Variants in PRSS55 observed in about 807,000 individuals in gnomAD.
The protein encoded by PRSS55 is serine protease 55.
PRSS55 carries 41 observed loss-of-function variants against 23.6 expected under a neutral mutation model. The observed-to-expected ratio is 1.74, with a 90% CI of 1.35 to 2.26. The LOEUF is 2.26. Ranked by LOEUF, PRSS55 falls within the 30% of genes most tolerant of loss-of-function variation. The pLI is 0.00. For missense variants in PRSS55, 669 were observed against 439.1 expected (o/e 1.52, Z -4.68); for synonymous variants, 262 against 175.5 (o/e 1.49, Z -3.90).
chr8:10,548,002 A>G (rs1812860718), intron 4 of PRSS55, among the ~76,000 whole-genome samples: 1 of 152,062 alleles, frequency 6.6e-6, no homozygotes, highest in Non-Finnish European at 1.5e-5. Context: ...TTCCTACCCC[A>G]GGTCACAGGG....
chr8:10,531,687 C>T, intron 3 of PRSS55, 142 bp downstream of exon 3: 1 of 1,269,128 alleles, frequency 7.9e-7, no homozygotes, highest in Non-Finnish European at 1.1e-6. Context: ...CAAAGTTTAG[C>T]TCCTTTTGGG....
At chr8:10,526,883 G>A (rs1425087453) in intron 1 of PRSS55, among the ~76,000 whole-genome samples, 1 of 152,190 alleles carries the variant, frequency 6.6e-6, no homozygotes, top group African/African-American at 2.4e-5. Context: ...CCAACGATAA[G>A]TAGCTTTCCC....
rs1442426895 is a variant in PRSS55, at chr8:10,533,007, C to G, written c.700C>G (p.Leu234Val). 2 of 1,614,166 alleles carry G rather than the reference C, an allele frequency of 1.2e-6. No homozygotes were observed. The highest frequency in any genetic ancestry group is 1.7e-6 in the Non-Finnish European group (2 of 1,180,036). ...GTTTCCAAAACTTACCAAAAATATG[C>G]TGTGTGCCGGATACAAGAATGAGAG... Reference protein sequence around the residue: ...KMFPKLTKNMLCAGYKNESYD... With the variant: ...KMFPKLTKNMVCAGYKNESYD... Residue 234 changes from leucine (L) to valine (V), a missense_variant, in exon 4 of 5, where the codon CTG becomes GTG. Coordinates refer to ENST00000328655, the MANE Select transcript of PRSS55 (RefSeq NM_198464.4).
intron 4 of PRSS55, 150 bp downstream of exon 4, chr8:10,533,198 G>A: frequency 1.2e-6 from 1 of 845,860 alleles, no homozygotes; most frequent in East Asian, 2.7e-5. Context: ...ATGAGTATGT[G>A]GATTTCAGAT....
chr8:10,527,187 AT>A (rs1386132547), intron 1 of PRSS55, among the ~76,000 whole-genome samples: 2 of 152,254 alleles, frequency 1.3e-5, no homozygotes, highest in Non-Finnish European at 2.9e-5. Context: ...GTTGTTAAAA[AT>A]GCCCCATGAG....
chr8:10,538,587 T>C lies in PRSS55; in HGVS notation c.853T>C (p.Tyr285His), dbSNP rs1812540337. 1.2e-6 allele frequency: 2 copies of C among 1,614,084 alleles called. No homozygotes were observed. The highest frequency in any genetic ancestry group is 2.2e-5 in the South Asian group (2 of 91,076). Residue 285 changes from tyrosine to histidine, a missense_variant, in exon 5 of 5, where the codon TAC becomes CAC. Transcript: ENST00000328655. ...SCGEKNTPGI[Y>H]TSLVNYNLWI... ...TGGAGAGAAGAACACCCCAGGGATA[T>C]ACACCTCGTTGGTGAACTACAACCT... is the stretch of plus-strand genomic sequence containing the variant.
intron 4 of PRSS55, among the ~76,000 whole-genome samples, chr8:10,545,406 G>A (rs1225386701): frequency 6.6e-6 from 1 of 152,076 alleles, no homozygotes; most frequent in African/African-American, 2.4e-5. Flanking sequence ...TGTTGCCCAG[G>A]CTGCAAACTT....
At chr8:10,525,799 A>C (rs1585861360) in intron 1 of PRSS55, 60 bp downstream of exon 1, 4 of 1,509,930 alleles carry the variant, frequency 2.6e-6, no homozygotes, top group Non-Finnish European at 3.6e-6. Context: ...ACTGGCTGCC[A>C]GGAGGGTGGA....
downstream of PRSS55, among the ~76,000 whole-genome samples, chr8:10,539,479 C>T (rs1420830201): frequency 6.6e-6 from 1 of 152,212 alleles, no homozygotes; most frequent in East Asian, 1.9e-4. Flanking sequence ...TACTGTAACC[C>T]TTCTATGGAG....
At chr8:10,553,994 A>C in exon 5 of PRSS55, 1 of 1,532,600 alleles carries the variant, frequency 6.5e-7, no homozygotes, top group East Asian at 2.4e-5. Context: ...CTCTCAAACA[A>C]AGCCGCCTGG....
intron 4 of PRSS55, among the ~76,000 whole-genome samples, chr8:10,549,501 C>G (rs899351362): frequency 6.6e-6 from 1 of 152,182 alleles, no homozygotes; most frequent in African/African-American, 2.4e-5. Flanking sequence ...AGCCTGTGTC[C>G]AGCACACTGG....
At chr8:10,530,419 G>A (rs567943125) in intron 2 of PRSS55, among the ~76,000 whole-genome samples, 1 of 152,366 alleles carries the variant, frequency 6.6e-6, no homozygotes, top group African/African-American at 2.4e-5. Flanking sequence ...ATGTTGCAGT[G>A]AGCCAAGATC....
At chr8:10,532,044 C>T (rs1165269891) in intron 3 of PRSS55, among the ~76,000 whole-genome samples, 3 of 152,000 alleles carry the variant, frequency 2.0e-5, no homozygotes, top group Non-Finnish European at 2.9e-5. Flanking sequence ...ACGAAGGGCC[C>T]GCTGGACTGT....
intron 4 of PRSS55, among the ~76,000 whole-genome samples, chr8:10,548,154 G>A (rs576193391): frequency 6.6e-6 from 1 of 152,342 alleles, no homozygotes; most frequent in South Asian, 2.1e-4. Context: ...CTTCCTTAGG[G>A]AGCTGGGGCG....
intron 4 of PRSS55, chr8:10,544,905 C>G (rs11250028): frequency 0.59 from 353,611 of 595,070 alleles, 107,317 homozygotes; most frequent in South Asian, 0.73. Flanking sequence ...CTTTATGTCT[C>G]ATAGATTTTA....
At chr8:10,546,340 G>A (rs763383284) in intron 4 of PRSS55, among the ~76,000 whole-genome samples, 6 of 152,182 alleles carry the variant, frequency 3.9e-5, no homozygotes, top group Non-Finnish European at 7.3e-5. Context: ...TTAGCCGCAT[G>A]ACCCCAGGGT....
At chr8:10,529,063 C>T (rs1271971867) in intron 1 of PRSS55, among the ~76,000 whole-genome samples, 2 of 152,208 alleles carry the variant, frequency 1.3e-5, no homozygotes, top group African/African-American at 4.8e-5. Context: ...ACCCAAATTC[C>T]ATCTCCAAAG....
Position 10,525,572 on chromosome 8 carries a change from C to G in PRSS55, c.-14C>G, listed in dbSNP as rs1387447687. 2 of 1,610,476 alleles carry G rather than the reference C, an allele frequency of 1.2e-6. No homozygotes were observed. The highest frequency in any genetic ancestry group is 1.7e-5 in the Admixed American group (1 of 59,856). On this transcript the variant is annotated 5_prime_UTR_variant, in exon 1 of 5. Transcript: ENST00000328655. ...GCCTCTGTCACCCCCGGGCCCACAGCACAGCCCAGGGCCATGCTCCTGTTC... is the reference window on the plus strand; with the variant it reads ...GCCTCTGTCACCCCCGGGCCCACAGGACAGCCCAGGGCCATGCTCCTGTTC...
downstream of PRSS55, among the ~76,000 whole-genome samples, chr8:10,539,239 T>C (rs764547905): frequency 1.3e-5 from 2 of 152,188 alleles, no homozygotes; most frequent in Non-Finnish European, 2.9e-5. Context: ...CTCTTAGTTC[T>C]ACGCAGGCCT....
Sources: allele counts gnomAD v4.1 joint callset (sites outside exome capture counted in the v4.1 genomes callset), GRCh38; gene constraint gnomAD v4.1.1; transcripts MANE v1.5; gene names NCBI Gene and HGNC (gene_info 2026-07-23, HGNC 2026-07-21).